Variants in WDR72 observed in about 807,000 individuals in gnomAD.
WDR72 encodes the protein WD repeat-containing protein 72.
A neutral mutation model predicts 124.2 loss-of-function variants in WDR72; 120 were observed. The ratio of observed to expected loss-of-function variants is 0.97; its 90% CI spans 0.83 to 1.12. WDR72 has a LOEUF of 1.12. WDR72 is among the 50% of genes most tolerant of loss of function. The probability of loss-of-function intolerance (pLI) is 0.00; values close to 1 mark genes in which losing one functional copy is unlikely to be tolerated. For missense variants in WDR72, 1,387 were observed against 1,278.8 expected (o/e 1.08, Z -1.29); for synonymous variants, 452 against 441.7 (o/e 1.02, Z -0.29).
chr15:53,651,635 C>T (rs1055612512), intron 14 of WDR72, among the ~76,000 whole-genome samples: 1 of 151,936 alleles, frequency 6.6e-6, no homozygotes, highest in Non-Finnish European at 1.5e-5. Context: ...ATTAGGCAAT[C>T]TATAGTTTTT....
At chr15:53,725,587 A>G (rs568958007) in intron 2 of WDR72, among the ~76,000 whole-genome samples, 14 of 152,350 alleles carry the variant, frequency 9.2e-5, no homozygotes, top group African/African-American at 3.4e-4. Context: ...CAGATAAATT[A>G]TGGTACATAT....
At position 53,576,058 on chromosome 15, in the gene WDR72, A is replaced by G. The variant is rs1041243728; in HGVS notation, c.3148+21021T>C. 1.3e-4 allele frequency among the ~76,000 whole-genome samples: 20 copies of G among 152,228 alleles called. 1 individual carries two copies. The highest frequency in any genetic ancestry group is 1.2e-3 in the Admixed American group (19 of 15,278). On this transcript the variant is annotated intron_variant, in intron 18 of 19. Coordinates refer to ENST00000360509, the MANE Select transcript of WDR72 (RefSeq NM_182758.4). ...TCTAGTACCTACAATATGGCATACA[A>G]AACCATTCACAAACTGGCCCCACCC...
chr15:53,719,719 A>G (rs2017819046), intron 3 of WDR72, among the ~76,000 whole-genome samples: 1 of 152,186 alleles, frequency 6.6e-6, no homozygotes, highest in Non-Finnish European at 1.5e-5. Flanking sequence ...TGCTTTGGAA[A>G]CGCAAGTTAC....
At chr15:53,700,493 A>G (rs2017138221) in intron 12 of WDR72, among the ~76,000 whole-genome samples, 1 of 152,224 alleles carries the variant, frequency 6.6e-6, no homozygotes, top group Non-Finnish European at 1.5e-5. Flanking sequence ...CCTCAAAGAC[A>G]TAAGGACCAA....
intron 14 of WDR72, among the ~76,000 whole-genome samples, chr15:53,638,775 G>A (rs1488835405): frequency 3.3e-5 from 5 of 151,956 alleles, no homozygotes; most frequent in South Asian, 2.1e-4. Context: ...AGGACAATGC[G>A]AGCAGATCAC....
chr15:53,712,963 C>CCCGTACA, intron 6 of WDR72, 72 bp from the exon 7 acceptor site: 2 of 1,541,010 alleles, frequency 1.3e-6, no homozygotes, highest in East Asian at 4.5e-5. Flanking sequence ...AGACCTGCTT[C>CCCGTACA]CCGTACATCT....
chr15:53,524,802 G>C (rs1459913481), intron 18 of WDR72, among the ~76,000 whole-genome samples: 1 of 151,988 alleles, frequency 6.6e-6, no homozygotes, highest in Non-Finnish European at 1.5e-5. Flanking sequence ...TAATAAATCT[G>C]ATCTTTTCAT....
intron 13 of WDR72, among the ~76,000 whole-genome samples, chr15:53,683,481 C>A (rs76679205): frequency 1.5e-3 from 229 of 152,118 alleles, no homozygotes; most frequent in African/African-American, 5.4e-3. Flanking sequence ...TGTATCCATA[C>A]AAAATTTTTT....
intron 18 of WDR72, among the ~76,000 whole-genome samples, chr15:53,529,176 TTTTTTA>T (rs1392516266): frequency 1.5e-5 from 2 of 136,848 alleles, no homozygotes; most frequent in African/African-American, 6.0e-5. Flanking sequence ...TTTTTTTTTT[TTTTTTA>T]AAAGAATATA....
chr15:53,686,573 G>A (rs1007409802), intron 13 of WDR72, among the ~76,000 whole-genome samples: 16 of 151,708 alleles, frequency 1.1e-4, no homozygotes, highest in African/African-American at 3.6e-4. Flanking sequence ...AGTCCTGAGT[G>A]ACCTACAAAG....
At chr15:53,659,040 A>G (rs1225893071) in intron 14 of WDR72, among the ~76,000 whole-genome samples, 27 of 152,192 alleles carry the variant, frequency 1.8e-4, no homozygotes, top group Non-Finnish European at 7.3e-5. Flanking sequence ...CAAGTGGACC[A>G]TAAGTATCCT....
intron 3 of WDR72, 85 bp from the exon 4 acceptor site, chr15:53,716,770 G>GTGCTGCACTTAAGTA (rs1555427706): frequency 1.2e-6 from 1 of 841,208 alleles, no homozygotes; most frequent in Non-Finnish European, 1.9e-6. Context: ...TTTTTCTTTA[G>GTGCTGCACTTAAGTA]CAGCCTGATC....
intron 11 of WDR72, 80 bp downstream of exon 11, chr15:53,704,908 C>G: frequency 6.5e-7 from 1 of 1,539,616 alleles, no homozygotes; most frequent in South Asian, 1.2e-5. Flanking sequence ...ATTTAGGCCT[C>G]TAAATCTTGT....
At chr15:53,547,003 T>G (rs751812800) in intron 18 of WDR72, among the ~76,000 whole-genome samples, 102 of 152,228 alleles carry the variant, frequency 6.7e-4, no homozygotes, top group Admixed American at 2.6e-4. Context: ...TGTCCATTTA[T>G]GTAAAAATAC....
intron 14 of WDR72, among the ~76,000 whole-genome samples, chr15:53,622,473 C>G (rs2014035035): frequency 6.6e-6 from 1 of 151,888 alleles, no homozygotes; most frequent in Admixed American, 6.6e-5. Context: ...GTGTCTTTTA[C>G]AGGGACAATG....
At chr15:53,638,089 T>C (rs141195930) in intron 14 of WDR72, among the ~76,000 whole-genome samples, 194 of 152,348 alleles carry the variant, frequency 1.3e-3, no homozygotes, top group Non-Finnish European at 2.1e-3. Flanking sequence ...GCAGCATTTT[T>C]TTCCTTTTAA....
intron 18 of WDR72, among the ~76,000 whole-genome samples, chr15:53,579,769 T>A (rs2011815030): frequency 6.6e-6 from 1 of 152,040 alleles, no homozygotes; most frequent in African/African-American, 2.4e-5. Context: ...TGAGTACCAC[T>A]CATATGCCAA....
intron 15 of WDR72, among the ~76,000 whole-genome samples, chr15:53,614,414 A>G (rs1182871708): frequency 6.6e-6 from 1 of 152,092 alleles, no homozygotes; most frequent in African/African-American, 2.4e-5. Context: ...CTGGGCTCTG[A>G]CAGCAGATCA....
chr15:53,664,656 T>C (rs1334113761), intron 14 of WDR72, among the ~76,000 whole-genome samples: 1 of 152,166 alleles, frequency 6.6e-6, no homozygotes, highest in African/African-American at 2.4e-5. Flanking sequence ...AGCAAAACCT[T>C]GATTTAGCAA....
Sources: allele counts gnomAD v4.1 joint callset (sites outside exome capture counted in the v4.1 genomes callset), GRCh38; gene constraint gnomAD v4.1.1; transcripts MANE v1.5; gene names NCBI Gene and HGNC (gene_info 2026-07-23, HGNC 2026-07-21).